The following RAD51B variants were observed in gnomAD, a reference collection of about 807,000 sequenced individuals.
RAD51B encodes DNA repair protein RAD51 homolog 2.
A neutral mutation model predicts 42.2 loss-of-function variants in RAD51B; 38 were observed. The ratio of observed to expected loss-of-function variants is 0.90; its 90% confidence interval spans 0.70 to 1.18. RAD51B has a LOEUF of 1.18. RAD51B is among the 50% of genes most tolerant of loss of function. The pLI, the probability that RAD51B is intolerant of heterozygous loss-of-function variation, is 0.00. For synonymous variants in RAD51B, 154 were observed against 145.2 expected, an observed-to-expected ratio of 1.06 and a Z score of -0.43; for missense variants, 373 against 400.7, an observed-to-expected ratio of 0.93 and a Z score of 0.59.
intron 9 of RAD51B, among the ~76,000 whole-genome samples, chr14:68,425,936 T>TCTTCTTTC (rs2084820821): frequency 1.4e-5 from 1 of 73,880 alleles, no homozygotes; most frequent in Non-Finnish European, 3.0e-5. Context: ...AGGCCATTCT[T>TCTTCTTTC]TTTCTTTCTT....
chr14:68,107,054 C>G (rs1326310209), intron 7 of RAD51B, among the ~76,000 whole-genome samples: 1 of 151,828 alleles, frequency 6.6e-6, no homozygotes, highest in African/African-American at 2.4e-5. Flanking sequence ...GCTCTGTTCT[C>G]CTGCCTCAAG....
intron 7 of RAD51B, among the ~76,000 whole-genome samples, chr14:67,964,193 G>A (rs1051486204): frequency 1.3e-5 from 2 of 151,948 alleles, no homozygotes; most frequent in African/African-American, 4.8e-5. Flanking sequence ...AATTTATAGT[G>A]TATTTATTTT....
intron 8 of RAD51B, among the ~76,000 whole-genome samples, chr14:68,384,515 G>T (rs1441997573): frequency 1.3e-5 from 2 of 152,176 alleles, no homozygotes; most frequent in African/African-American, 2.4e-5. Flanking sequence ...TTGCCTCCCA[G>T]AGTGGCAAGG....
chr14:68,169,249 AT>A (rs2078817536), intron 7 of RAD51B, among the ~76,000 whole-genome samples: 1 of 152,292 alleles, frequency 6.6e-6, no homozygotes, highest in South Asian at 2.1e-4. Context: ...AGGATACAGT[AT>A]AAAAGGGCAA....
intron 7 of RAD51B, among the ~76,000 whole-genome samples, chr14:68,122,221 A>G (rs543247512): frequency 1.3e-5 from 2 of 152,312 alleles, no homozygotes; most frequent in South Asian, 4.1e-4. Flanking sequence ...CCATAAGATA[A>G]CTAACTTTAA....
intron 7 of RAD51B, among the ~76,000 whole-genome samples, chr14:68,215,184 A>G (rs2079788227): frequency 6.6e-6 from 1 of 152,194 alleles, no homozygotes; most frequent in South Asian, 2.1e-4. Context: ...AAGTTTCTCA[A>G]TAGGGAATGA....
chr14:68,298,481 G>C (rs1289866185), intron 8 of RAD51B, among the ~76,000 whole-genome samples: 1 of 152,174 alleles, frequency 6.6e-6, no homozygotes, highest in East Asian at 1.9e-4. Flanking sequence ...GGTTTCTTTG[G>C]GGAGCAGTCC....
chr14:68,215,526 T>A (rs2140952683), intron 7 of RAD51B, among the ~76,000 whole-genome samples: 1 of 152,356 alleles, frequency 6.6e-6, no homozygotes, highest in South Asian at 2.1e-4. Flanking sequence ...TAGGTGCTAT[T>A]ATCCCCATTT....
intron 7 of RAD51B, among the ~76,000 whole-genome samples, chr14:67,895,891 T>C (rs952764820): frequency 7.2e-5 from 11 of 152,146 alleles, no homozygotes; most frequent in African/African-American, 2.7e-4. Flanking sequence ...CTTTCCTATC[T>C]GAGCTCTCAA....
At chr14:68,091,033 A>T (rs2077088644) in intron 7 of RAD51B, among the ~76,000 whole-genome samples, 1 of 151,886 alleles carries the variant, frequency 6.6e-6, no homozygotes, top group South Asian at 2.1e-4. Context: ...ACATGAACTC[A>T]TCATTTTTTA....
chr14:68,246,099 C>T (rs2080492217), intron 7 of RAD51B, among the ~76,000 whole-genome samples: 1 of 151,846 alleles, frequency 6.6e-6, no homozygotes, highest in African/African-American at 2.4e-5. Context: ...ATGTGAAATC[C>T]CTAAACACTC....
intron 9 of RAD51B, among the ~76,000 whole-genome samples, chr14:68,440,924 T>A (rs2085271644): frequency 1.3e-5 from 2 of 152,214 alleles, no homozygotes; most frequent in African/African-American, 2.4e-5. Flanking sequence ...GGGATGTGTC[T>A]TGCAAGTCCA....
Position 67,912,269 on chromosome 14 carries a change from C to T in RAD51B, c.756+25065C>T, listed in dbSNP as rs143258450. 3.0e-3 allele frequency among the ~76,000 whole-genome samples: 458 copies of T among 152,158 alleles called. 3 individuals carry two copies. The highest frequency in any genetic ancestry group is 5.3e-3 in the Non-Finnish European group (358 of 67,998). ...GAATTACCAAAGGTCTGTATTCACT[C>T]GGAAAGGTCTTAGTTTTAAAAGCAG... On this transcript the variant is annotated intron_variant, in intron 7 of 10. Transcript: ENST00000471583.
chr14:68,526,553 A>C (rs1886944431), intron 10 of RAD51B, among the ~76,000 whole-genome samples: 1 of 152,262 alleles, frequency 6.6e-6, no homozygotes, highest in African/African-American at 2.4e-5. Flanking sequence ...TCCTCCAGGA[A>C]GCAGGCTCCA....
chr14:68,009,420 A>G (rs925684477), intron 7 of RAD51B, among the ~76,000 whole-genome samples: 1 of 151,694 alleles, frequency 6.6e-6, no homozygotes. Flanking sequence ...ATCACTTTCT[A>G]TTTCCTTATC....
rs139793832 is a variant in RAD51B at position 68,648,545 on chromosome 14, A to C, written c.1037-2236A>C. ...TGTGAGTTCATTCTGCCTGGGGCAC[A>C]TACAGAATTCTGTGCAACATCTGCA... On this transcript the variant is annotated intron_variant, in intron 10 of 11. Transcript: ENST00000488612. Among the ~76,000 whole-genome samples, 106 of 151,888 alleles carry C rather than the reference A, an allele frequency of 7.0e-4. 3 individuals carry two copies. In the East Asian group the frequency reaches 0.018, roughly 25 times the overall value.
chr14:67,948,891 C>A (rs985732209), intron 7 of RAD51B, among the ~76,000 whole-genome samples: 5 of 133,900 alleles, frequency 3.7e-5, no homozygotes, highest in Admixed American at 1.7e-4. Context: ...GAGATCACGC[C>A]GCTGCATTCC....
downstream of RAD51B, among the ~76,000 whole-genome samples, chr14:68,478,805 A>G (rs1882929663): frequency 6.6e-6 from 1 of 152,172 alleles, no homozygotes; most frequent in Admixed American, 6.5e-5. Context: ...GTGCAGATTG[A>G]TGAAGATTGA....
At chr14:67,984,051 G>A (rs1479717202) in intron 7 of RAD51B, among the ~76,000 whole-genome samples, 2 of 151,644 alleles carry the variant, frequency 1.3e-5, no homozygotes, top group African/African-American at 2.4e-5. Flanking sequence ...TGATTCTCCT[G>A]CCTCAGCCTC....
Sources: gnomAD v4.1 joint callset for allele counts (sites outside exome capture counted in the v4.1 genomes callset) on GRCh38, gnomAD v4.1.1 for gene constraint, MANE v1.5 for transcripts, NCBI Gene and HGNC (gene_info 2026-07-23, HGNC 2026-07-21) for gene names.